PIGN: variants seen among roughly 807,000 people sequenced by gnomAD.
PIGN encodes the protein phosphatidylinositol glycan anchor biosynthesis class N.
A neutral mutation model predicts 125.4 loss-of-function variants in PIGN; 117 were observed. That is an observed-to-expected ratio of 0.93 (90% CI 0.80 to 1.09). The LOEUF is 1.09. Ranked by LOEUF, PIGN falls within the 50% of genes least tolerant of loss-of-function variation. The probability of loss-of-function intolerance (pLI) is 0.00; values close to 1 mark genes in which losing one functional copy is unlikely to be tolerated. For missense variants in PIGN, 1,075 were observed against 1,094.9 expected (o/e 0.98, Z 0.26); for synonymous variants, 392 against 377.8 (o/e 1.04, Z -0.44).
chr18:62,085,024 C>T (rs1313000060), intron 26 of PIGN, among the ~76,000 whole-genome samples, 185 bp downstream of exon 26: 1 of 152,082 alleles, frequency 6.6e-6, no homozygotes, highest in Non-Finnish European at 1.5e-5. Context: ...ATGAGAATCG[C>T]TTGAACCTGG....
intron 23 of PIGN, among the ~76,000 whole-genome samples, chr18:62,090,868 A>G (rs1487130649): frequency 6.6e-6 from 1 of 152,212 alleles, no homozygotes; most frequent in Non-Finnish European, 1.5e-5. Flanking sequence ...GAAAGAAGGC[A>G]TGAAGACAAA....
intron 14 of PIGN, chr18:62,135,619 C>CTTTTTTTTTTTTTTTTTTTTTTTTTT (rs72454339): frequency 1.5e-5 from 1 of 68,680 alleles, no homozygotes; most frequent in Admixed American, 2.0e-4. Context: ...TTTTCTTTGT[C>CTTTTTTTTTTTTTTTTTTTTTTTTTT]TTTTTTTTTT....
chr18:62,062,819 A>C (rs2032234911), intron 30 of PIGN, among the ~76,000 whole-genome samples: 1 of 140,118 alleles, frequency 7.1e-6, no homozygotes, highest in South Asian at 2.3e-4. Context: ...AAGTGCTGAT[A>C]TGTCATTCTG....
At chr18:62,023,298 T>G (rs1226660749) in intron 23 of PIGN, among the ~76,000 whole-genome samples, 1 of 152,226 alleles carries the variant, frequency 6.6e-6, no homozygotes, top group Non-Finnish European at 1.5e-5. Flanking sequence ...ATCTGCCAAT[T>G]CAGGATATTT....
chr18:62,081,527 T>C (rs751086207), intron 28 of PIGN, among the ~76,000 whole-genome samples: 3 of 152,154 alleles, frequency 2.0e-5, no homozygotes, highest in African/African-American at 7.2e-5. Context: ...TTGTGTTTTG[T>C]TTTTCATTGC....
At chr18:62,029,341 C>T (rs1160859978) in intron 23 of PIGN, among the ~76,000 whole-genome samples, 1 of 152,096 alleles carries the variant, frequency 6.6e-6, no homozygotes, top group Non-Finnish European at 1.5e-5. Context: ...CTGAGAAGCA[C>T]CTGATTGTAA....
At chr18:62,036,750 T>A (rs1379883314), downstream of PIGN, among the ~76,000 whole-genome samples, 3 of 152,170 alleles carry the variant, frequency 2.0e-5, no homozygotes, top group African/African-American at 7.2e-5. Flanking sequence ...CCTGAAAGAA[T>A]CCTTATCTTA....
At chr18:62,176,886 A>G (rs1003018575) in intron 1 of PIGN, among the ~76,000 whole-genome samples, 10 of 152,276 alleles carry the variant, frequency 6.6e-5, no homozygotes, top group African/African-American at 2.4e-4. Flanking sequence ...CATTAGGTGA[A>G]GTTGAGTAAA....
intron 14 of PIGN, among the ~76,000 whole-genome samples, chr18:62,132,598 T>C (rs1435504142): frequency 1.3e-5 from 2 of 152,104 alleles, no homozygotes; most frequent in Admixed American, 6.6e-5. Context: ...TCCCAGCACT[T>C]TGGGAGGCCA....
intron 28 of PIGN, among the ~76,000 whole-genome samples, chr18:62,081,088 G>A (rs1410714909): frequency 6.6e-6 from 1 of 152,142 alleles, no homozygotes; most frequent in Admixed American, 6.5e-5. Flanking sequence ...CGGAAGAGAA[G>A]CAGAATCATT....
intron 14 of PIGN, among the ~76,000 whole-genome samples, chr18:62,122,022 G>A (rs921367612): frequency 3.3e-5 from 5 of 152,076 alleles, no homozygotes; most frequent in African/African-American, 1.2e-4. Context: ...TAGACTGGTG[G>A]TTACCAGAGG....
Position 62,105,651 on chromosome 18 carries a change from A to G in PIGN, c.1768-17T>C. 1.4e-6 allele frequency: 2 copies of G among 1,424,666 alleles called. No homozygotes were observed. The highest frequency in any genetic ancestry group is 2.5e-5 in the South Asian group (2 of 79,430). 88.3% of individuals were successfully genotyped at this position (1,424,666 alleles called of 1,614,324 possible). On this transcript the variant is annotated splice_polypyrimidine_tract_variant and intron_variant, in intron 19 of 30. Transcript: ENST00000640252. Reference sequence around the variant, plus strand: ...TGAGGTCATCTAAAATCAAGAAAAAAGTTATCTTTAGACAAATATGGTATA... The same window carrying G: ...TGAGGTCATCTAAAATCAAGAAAAAGGTTATCTTTAGACAAATATGGTATA...
intron 11 of PIGN, 68 bp from the exon 12 acceptor site, chr18:62,140,547 C>T (rs2036097042): frequency 1.1e-5 from 8 of 755,272 alleles, no homozygotes; most frequent in Non-Finnish European, 1.8e-5. Context: ...TAATGTAATG[C>T]AACCATATTT....
intron 14 of PIGN, among the ~76,000 whole-genome samples, chr18:62,132,897 CCTA>C (rs752813638): frequency 6.1e-4 from 93 of 152,166 alleles, no homozygotes; most frequent in Non-Finnish European, 9.6e-4. Flanking sequence ...AAATCTTTCT[CCTA>C]CTGATTTGAA....
intron 12 of PIGN, 40 bp downstream of exon 12, chr18:62,140,380 T>A: frequency 1.1e-6 from 1 of 936,298 alleles, no homozygotes; most frequent in South Asian, 1.6e-5. Flanking sequence ...CGATAGTTTT[T>A]TTTTATACTG....
chr18:62,148,307 G>A lies in PIGN; in HGVS notation c.581C>T (p.Ser194Phe), dbSNP rs2147313141. ...DFFHHARNNQ[S>F]LFSKINEEKI... ...CTCTTCATTTATTTTAGAAAACAAA[G>A]ACTGGTTGTTTCTGGCATGATGAAA... is the stretch of plus-strand genomic sequence containing the variant. Residue 194 changes from serine to phenylalanine, a missense_variant, in exon 8 of 31, where the codon TCT becomes TTT. Transcript: ENST00000640252. The A allele has an allele frequency of 6.6e-7, 1 of 1,525,504 alleles. No individual in the cohort carries two copies. Among genetic ancestry groups the A allele is most frequent in the Non-Finnish European group, 8.8e-7 (1 of 1,132,488 alleles). 94.5% of individuals were successfully genotyped at this position (1,525,504 alleles called of 1,614,324 possible).
At chr18:62,178,072 G>GGAAACCACTAGACAGATCAAAATGC (rs1473081599) in intron 1 of PIGN, among the ~76,000 whole-genome samples, 2 of 152,048 alleles carry the variant, frequency 1.3e-5, no homozygotes, top group Non-Finnish European at 2.9e-5. Context: ...TGGTCACTCA[G>GGAAACCACTAGACAGATCAAAATGC]GAAACCACTA....
At chr18:62,159,642 G>A (rs1012324587) in intron 4 of PIGN, among the ~76,000 whole-genome samples, 1 of 151,984 alleles carries the variant, frequency 6.6e-6, no homozygotes, top group Non-Finnish European at 1.5e-5. Flanking sequence ...AATATGTTAT[G>A]CATCTCTCTG....
At chr18:62,051,053 A>C (rs1599398230) in intron 30 of PIGN, among the ~76,000 whole-genome samples, 3 of 149,458 alleles carry the variant, frequency 2.0e-5, no homozygotes, top group Non-Finnish European at 4.5e-5. Flanking sequence ...GATGAAGCCC[A>C]CTTGATCATG....
Sources: allele counts gnomAD v4.1 joint callset (sites outside exome capture counted in the v4.1 genomes callset), GRCh38; gene constraint gnomAD v4.1.1; transcripts MANE v1.5; gene names NCBI Gene and HGNC (gene_info 2026-07-23, HGNC 2026-07-21).